The following NOS1 variants were observed in gnomAD, a reference collection of about 807,000 sequenced individuals.
The protein encoded by NOS1 is nitric oxide synthase 1.
NOS1 carries 51 observed loss-of-function variants against 164.5 expected under a neutral mutation model. The observed-to-expected ratio is 0.31, with a 90% CI of 0.25 to 0.39. The LOEUF is 0.39. Ranked by LOEUF, NOS1 falls within the 10% of genes least tolerant of loss-of-function variation. NOS1 has a pLI of 1.00. For missense variants in NOS1, 1,362 were observed against 1,885.6 expected (o/e 0.72, Z 5.14); for synonymous variants, 719 against 745.8 (o/e 0.96, Z 0.59).
At chr12:117,299,564 G>A (rs1225843119) in intron 3 of NOS1, among the ~76,000 whole-genome samples, 16 of 151,456 alleles carry the variant, frequency 1.1e-4, no homozygotes, top group Non-Finnish European at 2.9e-5. Flanking sequence ...GCTTGAACCC[G>A]GGAGGCGGAG....
At chr12:117,333,061 G>A (rs185164024) in intron 1 of NOS1, among the ~76,000 whole-genome samples, 1 of 152,312 alleles carries the variant, frequency 6.6e-6, no homozygotes, top group East Asian at 1.9e-4. Flanking sequence ...CCTGTAGCAT[G>A]TGCCCACGGG....
rs557444483 is a variant in NOS1, at chr12:117,208,784, G to A, written c.*6525C>T. The A allele has an allele frequency of 4.2e-6, 4 of 945,428 alleles. No individual in the cohort carries two copies. Among genetic ancestry groups the A allele is most frequent in the Admixed American group, 1.2e-4 (2 of 16,320 alleles). 58.6% of individuals were successfully genotyped at this position (945,428 alleles called of 1,614,324 possible). On this transcript the variant is annotated 3_prime_UTR_variant, in exon 29 of 29. Coordinates refer to ENST00000317775, the MANE Select transcript of NOS1 (RefSeq NM_000620.5). ...TGTCAACAAGCTGGAGTGCAGTGGT[G>A]CCATCTCGGCTCACTGCAGCCTCTG... is the stretch of plus-strand genomic sequence containing the variant.
At position 117,272,306 on chromosome 12, in the gene NOS1, C is replaced by T. The variant is rs1305719210; in HGVS notation, c.1839+79G>A. The stretch of plus-strand genomic sequence containing the variant: ...CTTCAAGTTTCCAAGCCACCAAGCT[C>T]GCCGTGGGGAAGGGGACTGCTGAGC... On this transcript the variant is annotated intron_variant, in intron 10 of 28. Coordinates refer to ENST00000317775, the MANE Select transcript of NOS1 (RefSeq NM_000620.5). This position sits in a 1 kb window ranked among gnomAD's most constrained non-coding sequence, Gnocchi z 4.3. 18 of 1,517,694 alleles carry T rather than the reference C, an allele frequency of 1.2e-5. No homozygotes were observed. The highest frequency in any genetic ancestry group is 1.7e-4 in the Middle Eastern group (1 of 5,860). 94.0% of individuals were successfully genotyped at this position (1,517,694 alleles called of 1,614,324 possible).
chr12:117,292,105 T>A (rs1873102768), intron 3 of NOS1, among the ~76,000 whole-genome samples: 2 of 152,088 alleles, frequency 1.3e-5, no homozygotes, highest in African/African-American at 4.8e-5. Context: ...TAATACATGC[T>A]CAATAAATAG....
rs982758511 is a variant in NOS1 at position 117,227,328 on chromosome 12, C to T, written c.3616+103G>A. 25 of 1,110,048 alleles carry T rather than the reference C, an allele frequency of 2.3e-5. No homozygotes were observed. The African/African-American group carries it at 3.4e-4, about 15-fold the overall frequency. 68.8% of individuals were successfully genotyped at this position (1,110,048 alleles called of 1,614,324 possible). A position where few individuals can be genotyped will look rare whatever the true frequency, so the allele number is the denominator to read the frequency against. On this transcript the variant is annotated intron_variant, in intron 23 of 28. Transcript: ENST00000317775. ...CTGGTCTTGGGGATGAGTTTCTTCC[C>T]AGGGATTTGGGATTTAGCCTGCAGA...
In NOS1 at chr12:117,213,526, T is replaced by C. The variant is rs767600234; in HGVS notation, c.*1783A>G. 5.0e-5 allele frequency: 49 copies of C among 985,260 alleles called. No homozygotes were observed. Among genetic ancestry groups the C allele is most frequent in the Non-Finnish European group, 5.8e-5 (48 of 829,948 alleles). 61.0% of individuals were successfully genotyped at this position (985,260 alleles called of 1,614,324 possible). A position where few individuals can be genotyped will look rare whatever the true frequency, so the allele number is the denominator to read the frequency against. On this transcript the variant is annotated 3_prime_UTR_variant, in exon 29 of 29. Transcript: ENST00000317775. ...GGCTGCCAGGGATGGCAGAGCAAGG[T>C]GAGTCATAGATTGCCTTTTCACTTT...
At chr12:117,228,322 A>T (rs1481779362) in intron 22 of NOS1, among the ~76,000 whole-genome samples, 1 of 152,154 alleles carries the variant, frequency 6.6e-6, no homozygotes, top group Non-Finnish European at 1.5e-5. Context: ...TGCTCTAGAC[A>T]GTGTGTCCTC....
At chr12:117,355,118 G>A (rs1211039720) in intron 1 of NOS1, among the ~76,000 whole-genome samples, 1 of 152,156 alleles carries the variant, frequency 6.6e-6, no homozygotes, top group African/African-American at 2.4e-5. Flanking sequence ...AAGCTGAAAT[G>A]CTTTTCAGGG....
intron 1 of NOS1, among the ~76,000 whole-genome samples, chr12:117,341,997 C>A (rs1228574328): frequency 6.6e-6 from 1 of 152,210 alleles, no homozygotes; most frequent in East Asian, 1.9e-4. Flanking sequence ...AAGAGGACAG[C>A]CTCATTACTA....
intron 14 of NOS1, 24 bp downstream of exon 14, chr12:117,260,441 G>C: frequency 6.2e-7 from 1 of 1,608,874 alleles, no homozygotes; most frequent in Non-Finnish European, 8.5e-7. Context: ...GAAGCTGGTG[G>C]AGCTAGGGCT....
At chr12:117,286,740 T>TA (rs997422902) in intron 5 of NOS1, among the ~76,000 whole-genome samples, 2 of 152,218 alleles carry the variant, frequency 1.3e-5, no homozygotes, top group Non-Finnish European at 2.9e-5. Context: ...GTCCCAAGCC[T>TA]AAAAAATACT....
At chr12:117,346,150 A>G (rs1419008735) in intron 1 of NOS1, among the ~76,000 whole-genome samples, 5 of 152,208 alleles carry the variant, frequency 3.3e-5, no homozygotes, top group African/African-American at 9.6e-5. Context: ...GAGTGAATGA[A>G]TGAGACTTCA....
At chr12:117,359,657 T>C (rs913325290) in intron 1 of NOS1, among the ~76,000 whole-genome samples, 4 of 151,816 alleles carry the variant, frequency 2.6e-5, no homozygotes, top group African/African-American at 9.7e-5. Context: ...TGCGCGCTTT[T>C]CTTAGGCCTG....
At chr12:117,341,907 AT>A (rs1884348106) in intron 1 of NOS1, among the ~76,000 whole-genome samples, 1 of 152,210 alleles carries the variant, frequency 6.6e-6, no homozygotes, top group African/African-American at 2.4e-5. Context: ...ACTGTTGACT[AT>A]TATTTTTAGA....
chr12:117,254,133 GTT>G (rs1871281607), intron 16 of NOS1, among the ~76,000 whole-genome samples: 1 of 152,042 alleles, frequency 6.6e-6, no homozygotes, highest in Non-Finnish European at 1.5e-5. Flanking sequence ...TTGAGACAGA[GTT>G]TCACTCTTGT....
At chr12:117,267,551 C>A (rs541889745) in intron 11 of NOS1, among the ~76,000 whole-genome samples, 8 of 150,564 alleles carry the variant, frequency 5.3e-5, no homozygotes, top group Non-Finnish European at 1.0e-4. Flanking sequence ...TGTGCCACTG[C>A]ACTCTAGTCT....
Position 117,222,766 on chromosome 12 carries a change from C to A in NOS1, c.3924G>T (p.Gly1308=), listed in dbSNP as rs1285246037. ...REETLQAKNK[G]VFRELYTAYS... ...AAGCCGTGTACAGCTCTCTGAAGAC[C>A]CCCTTGTTCTTGGCCTGCAGGGTCT... Residue 1308 remains glycine (G), a synonymous_variant, in exon 26 of 29, where the codon GGG becomes GGT. Coordinates refer to ENST00000317775, the MANE Select transcript of NOS1 (RefSeq NM_000620.5). The A allele has an allele frequency of 6.2e-7, 1 of 1,613,928 alleles. No homozygotes were observed.
At chr12:117,273,205 T>C (rs1001556744) in intron 9 of NOS1, among the ~76,000 whole-genome samples, 2 of 152,200 alleles carry the variant, frequency 1.3e-5, no homozygotes, top group East Asian at 1.9e-4. Context: ...TAATTATGTG[T>C]GTAAGAACTT....
intron 12 of NOS1, among the ~76,000 whole-genome samples, chr12:117,265,025 AT>A (rs1475040378): frequency 1.2e-3 from 185 of 151,378 alleles, no homozygotes; most frequent in African/African-American, 4.1e-3. Flanking sequence ...AAAAAAAAAA[AT>A]TTAGAGATGG....
Sources: gnomAD v4.1 joint callset for allele counts (sites outside exome capture counted in the v4.1 genomes callset) on GRCh38, gnomAD v4.1.1 for gene constraint, Gnocchi (gnomAD v3.1) non-coding constraint, MANE v1.5 for transcripts, NCBI Gene and HGNC (gene_info 2026-07-23, HGNC 2026-07-21) for gene names.